NRG1: variants seen among roughly 807,000 people sequenced by gnomAD.
NRG1 encodes neuregulin 1, also known as pro-neuregulin-1, membrane-bound isoform.
Under a neutral mutation model 63.8 loss-of-function variants are expected in NRG1, and 18 were observed. That is an observed-to-expected ratio of 0.28 (90% CI 0.19 to 0.42). NRG1 has a LOEUF of 0.42. Among genes scored for constraint, NRG1 ranks in the 10% least tolerant of loss-of-function variants. NRG1 has a pLI of 1.00. For missense variants in NRG1, 762 were observed against 814.7 expected (o/e 0.94, Z 0.79); for synonymous variants, 302 against 301.3 (o/e 1.00, Z -0.02).
chr8:32,286,786 C>G (rs1287393744), intron 1 of NRG1, among the ~76,000 whole-genome samples: 1 of 152,124 alleles, frequency 6.6e-6, no homozygotes, highest in East Asian at 1.9e-4. Flanking sequence ...CACCTGAGGT[C>G]ACGAGTTCAA....
At chr8:32,043,771 C>T (rs1280876363) in intron 1 of NRG1, among the ~76,000 whole-genome samples, 2 of 151,602 alleles carry the variant, frequency 1.3e-5, no homozygotes, top group African/African-American at 4.8e-5. Flanking sequence ...CCTGGAGCAA[C>T]CACCAAAATT....
intron 1 of NRG1, among the ~76,000 whole-genome samples, chr8:31,955,852 C>A (rs1203434718): frequency 3.3e-5 from 5 of 151,670 alleles, no homozygotes; most frequent in Admixed American, 1.3e-4. Flanking sequence ...TCCTGGGCAA[C>A]ATAGTGAGAC....
intron 1 of NRG1, among the ~76,000 whole-genome samples, chr8:32,466,955 A>G (rs1026120839): frequency 6.6e-6 from 1 of 152,146 alleles, no homozygotes; most frequent in Non-Finnish European, 1.5e-5. Flanking sequence ...TGTGATCAAT[A>G]GTAAAAGCAC....
rs181842190 is a variant in NRG1, at chr8:32,592,089, C to T, written c.101-3739C>T. On this transcript the variant is annotated intron_variant, in intron 1 of 11. Transcript: ENST00000356819. ...GATGAGAAAGGCAGAAAATCAGAGACAGACCAAGGCTCCCGGTTTTTTTTT... is the reference window on the plus strand; with the variant it reads ...GATGAGAAAGGCAGAAAATCAGAGATAGACCAAGGCTCCCGGTTTTTTTTT... Among the ~76,000 whole-genome samples, 17 of 147,782 alleles carry T rather than the reference C, an allele frequency of 1.2e-4. No individual in the cohort carries two copies. In the East Asian group the frequency reaches 3.1e-3, roughly 27 times the overall value.
chr8:31,839,789 C>A (rs552600440), intron 1 of NRG1, among the ~76,000 whole-genome samples: 1 of 152,238 alleles, frequency 6.6e-6, no homozygotes, highest in South Asian at 2.1e-4. Context: ...CTTAGCTCTG[C>A]CTCTGGCTAG....
At chr8:32,577,043 G>T (rs1208088607) in intron 1 of NRG1, among the ~76,000 whole-genome samples, 1 of 152,040 alleles carries the variant, frequency 6.6e-6, no homozygotes, top group Non-Finnish European at 1.5e-5. Flanking sequence ...TTGATGTTTA[G>T]CTCCTACTTA....
At chr8:32,109,469 T>C (rs1831715314) in intron 1 of NRG1, among the ~76,000 whole-genome samples, 1 of 152,214 alleles carries the variant, frequency 6.6e-6, no homozygotes, top group East Asian at 1.9e-4. Context: ...ACTCAGCTGG[T>C]AGGTGGTAAA....
At chr8:31,664,699 G>A (rs1218526636) in intron 1 of NRG1, among the ~76,000 whole-genome samples, 8 of 152,186 alleles carry the variant, frequency 5.3e-5, no homozygotes, top group Non-Finnish European at 1.0e-4. Context: ...GGTGTGTAGC[G>A]GGGATGGCAG....
At chr8:32,519,430 T>A (rs1445006349) in intron 1 of NRG1, among the ~76,000 whole-genome samples, 1 of 152,020 alleles carries the variant, frequency 6.6e-6, no homozygotes, top group Non-Finnish European at 1.5e-5. Context: ...CTGATTTTTT[T>A]TTTTGAGGGA....
chr8:32,670,199 T>C (rs1383330435), intron 5 of NRG1, among the ~76,000 whole-genome samples: 1 of 152,246 alleles, frequency 6.6e-6, no homozygotes, highest in Non-Finnish European at 1.5e-5. Context: ...GACTTCAGGA[T>C]AACTTGAGCT....
chr8:31,957,991 G>T (rs327397), intron 1 of NRG1, among the ~76,000 whole-genome samples: 129,165 of 152,000 alleles, frequency 0.85, 55,722 homozygotes, highest in African/African-American at 0.96. Flanking sequence ...GATTAAATCT[G>T]TATCCTCTCT....
At chr8:31,695,255 T>A (rs540796829) in intron 1 of NRG1, among the ~76,000 whole-genome samples, 4 of 152,284 alleles carry the variant, frequency 2.6e-5, no homozygotes, top group African/African-American at 9.6e-5. Flanking sequence ...CTGCACCCTC[T>A]GCCTCTCAGG....
chr8:32,630,730 T>G (rs1588842365), intron 5 of NRG1, among the ~76,000 whole-genome samples: 1 of 102,652 alleles, frequency 9.7e-6, no homozygotes, highest in African/African-American at 4.5e-5. Context: ...AGATTTTAGG[T>G]TTTTTTTTTT....
chr8:32,656,504 A>G (rs752271410), intron 5 of NRG1, among the ~76,000 whole-genome samples: 6 of 152,158 alleles, frequency 3.9e-5, no homozygotes, highest in Non-Finnish European at 8.8e-5. Flanking sequence ...TTTGTTGTAT[A>G]CCTTATGGTT....
chr8:31,917,873 T>A (rs1224868534), intron 1 of NRG1, among the ~76,000 whole-genome samples: 1 of 152,228 alleles, frequency 6.6e-6, no homozygotes, highest in Admixed American at 6.5e-5. Flanking sequence ...GTAACCTCTT[T>A]AATTTCATTG....
Position 31,763,262 on chromosome 8 carries a change from C to G in NRG1, c.37+123831C>G, listed in dbSNP as rs372277791. ...CATTTCTCTGTGGAATTTGATCTTACTTGCTTATACTTTCATTAAATGCAT... is the reference window on the plus strand; with the variant it reads ...CATTTCTCTGTGGAATTTGATCTTAGTTGCTTATACTTTCATTAAATGCAT... On this transcript the variant is annotated intron_variant, in intron 1 of 10. Coordinates refer to the NRG1 transcript ENST00000519301. 2.3e-4 allele frequency among the ~76,000 whole-genome samples: 35 copies of G among 152,296 alleles called. No homozygotes were observed. In the East Asian group the frequency reaches 5.8e-3, roughly 25 times the overall value.
chr8:32,273,413 T>G (rs923559689), intron 1 of NRG1, among the ~76,000 whole-genome samples: 5 of 152,180 alleles, frequency 3.3e-5, no homozygotes, highest in African/African-American at 1.2e-4. Flanking sequence ...AGGTAACATT[T>G]TATTTATACC....
intron 1 of NRG1, among the ~76,000 whole-genome samples, chr8:32,014,458 T>A (rs1407441361): frequency 1.3e-5 from 2 of 152,010 alleles, no homozygotes; most frequent in African/African-American, 4.8e-5. Context: ...TGGTCTGAGA[T>A]GAAAAATTCA....
At chr8:32,002,981 A>G (rs1375128765) in intron 1 of NRG1, among the ~76,000 whole-genome samples, 2 of 152,162 alleles carry the variant, frequency 1.3e-5, no homozygotes, top group East Asian at 1.9e-4. Flanking sequence ...ATTCTATTGT[A>G]TGCTTGTAGC....
Sources: allele counts gnomAD v4.1 joint callset (sites outside exome capture counted in the v4.1 genomes callset), GRCh38; gene constraint gnomAD v4.1.1; transcripts MANE v1.5; gene names NCBI Gene and HGNC (gene_info 2026-07-23, HGNC 2026-07-21).